SNTB1: variants seen among roughly 807,000 people sequenced by gnomAD.
SNTB1 encodes the protein syntrophin beta 1, also known as beta-1-syntrophin.
In SNTB1, 36 loss-of-function variants were observed where a neutral mutation model predicts 48.9. That is an observed-to-expected ratio of 0.74 (90% CI 0.56 to 0.97). SNTB1 has a LOEUF of 0.97. Ranked by LOEUF, SNTB1 falls within the 50% of genes least tolerant of loss-of-function variation. SNTB1 has a pLI of 0.00. For synonymous variants in SNTB1, 299 were observed against 294.6 expected, an observed-to-expected ratio of 1.01 and a Z score of -0.15; for missense variants, 786 against 703.4, an observed-to-expected ratio of 1.12 and a Z score of -1.33.
In SNTB1 at chr8:120,669,698, C is replaced by G. The variant is rs1296452200; in HGVS notation, c.788+23994G>C. Among the ~76,000 whole-genome samples the G allele has an allele frequency of 8.4e-5, 3 of 35,920 alleles. 1 individual carries two copies. Among genetic ancestry groups the G allele is most frequent in the Non-Finnish European group, 1.4e-4 (3 of 21,904 alleles). The allele number at this position is 35,920 out of a possible 152,430, so 23.6% of individuals were successfully genotyped here. A position where few individuals can be genotyped will look rare whatever the true frequency, so the allele number is the denominator to read the frequency against. ...CGATCTCCTGACCTCGTGATCCACC[C>G]GCCTTGGCCTCCCAAAGTGCTGGGA... On this transcript the variant is annotated intron_variant, in intron 2 of 6. Coordinates refer to ENST00000517992, the MANE Select transcript of SNTB1 (RefSeq NM_021021.4).
chr8:120,737,463 T>C (rs1404392331), intron 1 of SNTB1, among the ~76,000 whole-genome samples: 1 of 152,216 alleles, frequency 6.6e-6, no homozygotes, highest in Non-Finnish European at 1.5e-5. Flanking sequence ...TCATTTGTCA[T>C]TTCTAAGAGA....
intron 4 of SNTB1, among the ~76,000 whole-genome samples, chr8:120,572,138 C>T (rs1815865614): frequency 6.6e-6 from 1 of 152,136 alleles, no homozygotes; most frequent in Non-Finnish European, 1.5e-5. Context: ...GTCTCATTCT[C>T]CTCCTTGCAG....
intron 2 of SNTB1, among the ~76,000 whole-genome samples, chr8:120,655,548 AAACTGGAACTAG>A (rs1817487264): frequency 1.3e-5 from 2 of 152,192 alleles, no homozygotes; most frequent in African/African-American, 4.8e-5. Context: ...GTAAGAGGTA[AAACTGGAACTAG>A]AACCAAAGTT....
In SNTB1 at chr8:120,564,573, T is replaced by TTTG. The variant is rs1359429160; in HGVS notation, c.1136+10512_1136+10513insCAA. Among the ~76,000 whole-genome samples, 5 of 139,818 alleles carry TTTG rather than the reference T, an allele frequency of 3.6e-5. No individual in the cohort carries two copies. In the East Asian group the frequency reaches 1.0e-3, roughly 29 times the overall value. The allele number at this position is 139,818 out of a possible 152,430, so 91.7% of individuals were successfully genotyped here. A position where few individuals can be genotyped will look rare whatever the true frequency, so the allele number is the denominator to read the frequency against. On this transcript the variant is annotated intron_variant, in intron 4 of 6. Transcript: ENST00000517992. ...AGATACTATTATTCTGGTTTTTTTT[T>TTTG]TTTTTTTTTTTTGAGACAGAGTTTT... is the stretch of plus-strand genomic sequence containing the variant.
chr8:120,654,039 CAAAAAAAAAAAAAAAA>C (rs58873007), intron 2 of SNTB1, among the ~76,000 whole-genome samples: 2 of 25,160 alleles, frequency 7.9e-5, no homozygotes, highest in East Asian at 1.3e-3. Context: ...GACTCTGCCT[CAAAAAAAAAAAAAAAA>C]AAAAAAAAAA....
At chr8:120,807,652 A>C (rs1434179407) in intron 1 of SNTB1, among the ~76,000 whole-genome samples, 1 of 152,224 alleles carries the variant, frequency 6.6e-6, no homozygotes, top group African/African-American at 2.4e-5. Context: ...TTAGTGCATT[A>C]GGTTTTTAAG....
At chr8:120,804,938 T>C (rs1044079766) in intron 1 of SNTB1, among the ~76,000 whole-genome samples, 1 of 152,212 alleles carries the variant, frequency 6.6e-6, no homozygotes, top group African/African-American at 2.4e-5. Flanking sequence ...ATAATGCCCA[T>C]AATGTAGCCA....
chr8:120,613,910 G>C (rs1052191137), intron 3 of SNTB1, among the ~76,000 whole-genome samples: 26 of 152,094 alleles, frequency 1.7e-4, no homozygotes, highest in African/African-American at 6.3e-4. Context: ...GCAGTGTCTT[G>C]GAAAATAATA....
intron 1 of SNTB1, among the ~76,000 whole-genome samples, chr8:120,782,296 C>T (rs1361175940): frequency 6.6e-6 from 1 of 152,102 alleles, no homozygotes; most frequent in Non-Finnish European, 1.5e-5. Context: ...TTTTGAGATA[C>T]TGGAGTTAAG....
At chr8:120,609,478 G>GACT (rs1816583965) in intron 3 of SNTB1, among the ~76,000 whole-genome samples, 4 of 152,174 alleles carry the variant, frequency 2.6e-5, no homozygotes. Context: ...CATCAGAAGA[G>GACT]ACTGCTGCTG....
chr8:120,715,781 C>T (rs569914565), intron 1 of SNTB1, among the ~76,000 whole-genome samples: 16 of 152,192 alleles, frequency 1.1e-4, no homozygotes, highest in African/African-American at 2.2e-4. Context: ...TTATTGAGTG[C>T]GCCCTTTATT....
At chr8:120,661,096 C>T (rs1462494173) in intron 2 of SNTB1, among the ~76,000 whole-genome samples, 2 of 151,292 alleles carry the variant, frequency 1.3e-5, no homozygotes, top group African/African-American at 2.4e-5. Context: ...GTGAGAATTA[C>T]AAAAATGTGA....
intron 3 of SNTB1, among the ~76,000 whole-genome samples, chr8:120,626,250 T>C (rs531551450): frequency 3.9e-5 from 6 of 152,150 alleles, no homozygotes; most frequent in Admixed American, 6.5e-5. Context: ...TATAGTCACA[T>C]AGATAAATAG....
rs1819484116 is a variant in SNTB1 at position 120,764,626 on chromosome 8, T to C, written c.571+46647A>G. Among the ~76,000 whole-genome samples, 6 of 152,310 alleles carry C rather than the reference T, an allele frequency of 3.9e-5. No homozygotes were observed. The South Asian group carries it at 1.0e-3, about 26-fold the overall frequency. ...TTCAGTAATCCCTAGCCATTTTCAA[T>C]TGCCCTACTTTCTAAATTCAACCTC... On this transcript the variant is annotated intron_variant, in intron 1 of 6. Coordinates refer to ENST00000517992, the MANE Select transcript of SNTB1 (RefSeq NM_021021.4).
chr8:120,810,662 T>G (rs73707132), intron 1 of SNTB1, among the ~76,000 whole-genome samples: 4,939 of 152,180 alleles, frequency 0.032, 258 homozygotes, highest in African/African-American at 0.11. Context: ...GCCCCTGACA[T>G]AACTCTCCAG....
chr8:120,564,704 G>A (rs1414889741), intron 4 of SNTB1, among the ~76,000 whole-genome samples: 1 of 151,412 alleles, frequency 6.6e-6, no homozygotes, highest in East Asian at 2.0e-4. Context: ...AAGTAGCTGG[G>A]ATTACAGGTG....
intron 2 of SNTB1, among the ~76,000 whole-genome samples, chr8:120,692,668 T>C (rs1818148824): frequency 6.6e-6 from 1 of 152,058 alleles, no homozygotes; most frequent in South Asian, 2.1e-4. Flanking sequence ...ATTCCAGACT[T>C]GGACCAAAGC....
At chr8:120,625,470 A>G (rs1184230800) in intron 3 of SNTB1, among the ~76,000 whole-genome samples, 4 of 152,244 alleles carry the variant, frequency 2.6e-5, no homozygotes, top group African/African-American at 9.6e-5. Flanking sequence ...GAAGGCATGC[A>G]GAAAAGTGGG....
chr8:120,632,880 C>T (rs1817007623), intron 2 of SNTB1, among the ~76,000 whole-genome samples: 1 of 152,166 alleles, frequency 6.6e-6, no homozygotes, highest in African/African-American at 2.4e-5. Flanking sequence ...AGCTGTGCAA[C>T]CACCAAATCA....
Sources: allele counts gnomAD v4.1 joint callset (sites outside exome capture counted in the v4.1 genomes callset), GRCh38; gene constraint gnomAD v4.1.1; transcripts MANE v1.5; gene names NCBI Gene and HGNC (gene_info 2026-07-23, HGNC 2026-07-21).